Variants in CNTNAP2 observed in about 807,000 individuals in gnomAD.
CNTNAP2 encodes the protein contactin associated protein 2.
In CNTNAP2, 98 loss-of-function variants were observed where a neutral mutation model predicts 155.2. The observed-to-expected ratio is 0.63, with a 90% CI of 0.54 to 0.75. The LOEUF is 0.75. Ranked by LOEUF, CNTNAP2 falls within the 30% of genes least tolerant of loss-of-function variation. CNTNAP2 has a pLI of 0.00. For missense variants in CNTNAP2, 1,727 were observed against 1,688.1 expected (o/e 1.02, Z -0.40); for synonymous variants, 651 against 631.2 (o/e 1.03, Z -0.47).
chr7:148,067,341 G>C (rs1178924536), intron 15 of CNTNAP2, among the ~76,000 whole-genome samples: 1 of 152,190 alleles, frequency 6.6e-6, no homozygotes, highest in African/African-American at 2.4e-5. Flanking sequence ...GGCTCACTGA[G>C]AGCTGGACTG....
intron 1 of CNTNAP2, among the ~76,000 whole-genome samples, chr7:146,521,136 G>A (rs909019798): frequency 6.6e-6 from 1 of 151,862 alleles, no homozygotes; most frequent in African/African-American, 2.4e-5. Flanking sequence ...AATATGGTCT[G>A]TAACAGAGGT....
intron 4 of CNTNAP2, among the ~76,000 whole-genome samples, chr7:147,057,684 C>T (rs1799588414): frequency 6.6e-6 from 1 of 152,108 alleles, no homozygotes; most frequent in Non-Finnish European, 1.5e-5. Context: ...CAAAACTGCC[C>T]CTGGGTAAGA....
intron 20 of CNTNAP2, among the ~76,000 whole-genome samples, chr7:148,238,460 G>A (rs968668671): frequency 6.6e-6 from 1 of 152,212 alleles, no homozygotes; most frequent in Non-Finnish European, 1.5e-5. Context: ...GCTCTTTGTT[G>A]TCTTTGCAAG....
intron 2 of CNTNAP2, among the ~76,000 whole-genome samples, chr7:146,804,158 A>G (rs1802927618): frequency 6.6e-6 from 1 of 152,194 alleles, no homozygotes; most frequent in African/African-American, 2.4e-5. Context: ...AGGAAGCAAG[A>G]GGGAACAGAA....
chr7:147,505,062 C>G (rs1367524874), intron 11 of CNTNAP2, among the ~76,000 whole-genome samples: 1 of 151,988 alleles, frequency 6.6e-6, no homozygotes, highest in Non-Finnish European at 1.5e-5. Flanking sequence ...ATATACATCC[C>G]CACATAGATT....
intron 13 of CNTNAP2, among the ~76,000 whole-genome samples, chr7:147,883,781 T>C (rs1350752059): frequency 1.3e-5 from 2 of 152,110 alleles, no homozygotes; most frequent in Non-Finnish European, 2.9e-5. Flanking sequence ...TGTGTTTAGA[T>C]ATGAAAAAAG....
intron 13 of CNTNAP2, among the ~76,000 whole-genome samples, chr7:147,746,562 T>C (rs899167344): frequency 2.6e-5 from 4 of 152,070 alleles, no homozygotes; most frequent in Admixed American, 2.6e-4. Flanking sequence ...TCCCAGTTCC[T>C]CTGCTTGTAC....
intron 13 of CNTNAP2, among the ~76,000 whole-genome samples, chr7:147,852,074 G>A (rs1383219297): frequency 6.6e-6 from 1 of 152,110 alleles, no homozygotes. Flanking sequence ...TTAATTTTTA[G>A]TGCTTTGCCT....
intron 15 of CNTNAP2, among the ~76,000 whole-genome samples, chr7:148,109,641 C>T (rs1804302037): frequency 7.3e-6 from 1 of 137,776 alleles, no homozygotes; most frequent in African/African-American, 3.0e-5. Context: ...GCCTTGGCCT[C>T]CCAAAGTGCT....
intron 1 of CNTNAP2, among the ~76,000 whole-genome samples, chr7:146,451,189 G>A (rs1180021879): frequency 5.3e-5 from 8 of 152,068 alleles, no homozygotes; most frequent in South Asian, 2.1e-4. Flanking sequence ...CTCGTGATCT[G>A]CCCACCTTGG....
intron 11 of CNTNAP2, among the ~76,000 whole-genome samples, chr7:147,498,005 C>T (rs1371301403): frequency 6.6e-6 from 1 of 152,088 alleles, no homozygotes; most frequent in Non-Finnish European, 1.5e-5. Context: ...CCTGCCTTCC[C>T]ACAGCATAGC....
chr7:147,242,501 A>G (rs1255172018), intron 8 of CNTNAP2, among the ~76,000 whole-genome samples: 1 of 152,156 alleles, frequency 6.6e-6, no homozygotes, highest in Non-Finnish European at 1.5e-5. Flanking sequence ...TGGTAGTATG[A>G]CAGAAAACGA....
intron 10 of CNTNAP2, among the ~76,000 whole-genome samples, chr7:147,474,537 C>G (rs900161233): frequency 7.3e-5 from 11 of 151,720 alleles, no homozygotes; most frequent in African/African-American, 2.7e-4. Context: ...GAGCTGAGAT[C>G]GCACCATTGC....
At chr7:146,533,905 GT>G (rs1797808149) in intron 1 of CNTNAP2, among the ~76,000 whole-genome samples, 1 of 152,082 alleles carries the variant, frequency 6.6e-6, no homozygotes, top group South Asian at 2.1e-4. Context: ...AATACTAGAT[GT>G]TATTGGCAAT....
intron 1 of CNTNAP2, among the ~76,000 whole-genome samples, chr7:146,610,930 A>T (rs1250755749): frequency 6.6e-6 from 1 of 152,210 alleles, no homozygotes; most frequent in African/African-American, 2.4e-5. Context: ...AAGAAAGTAT[A>T]TGAATGCAAA....
intron 10 of CNTNAP2, among the ~76,000 whole-genome samples, chr7:147,479,934 C>A (rs12539334): frequency 0.042 from 6,383 of 151,808 alleles, 193 homozygotes; most frequent in Non-Finnish European, 0.067. Flanking sequence ...TAAATAATTT[C>A]TATTTGAATA....
intron 1 of CNTNAP2, among the ~76,000 whole-genome samples, chr7:146,695,355 T>G (rs1441475447): frequency 6.6e-6 from 1 of 152,182 alleles, no homozygotes; most frequent in African/African-American, 2.4e-5. Context: ...TGTATGATAT[T>G]TCTTCCTTAG....
intron 16 of CNTNAP2, among the ~76,000 whole-genome samples, chr7:148,146,405 C>T (rs1163420330): frequency 6.6e-6 from 1 of 152,168 alleles, no homozygotes; most frequent in East Asian, 1.9e-4. Context: ...GTTTATAAAG[C>T]ACTAGGTGGT....
At chr7:147,452,284 T>G (rs1366730582) in intron 10 of CNTNAP2, among the ~76,000 whole-genome samples, 2 of 152,228 alleles carry the variant, frequency 1.3e-5, no homozygotes, top group Admixed American at 6.5e-5. Flanking sequence ...CTTAGTATTT[T>G]CAGATTGCAT....
Sources: allele counts gnomAD v4.1 joint callset (sites outside exome capture counted in the v4.1 genomes callset), GRCh38; gene constraint gnomAD v4.1.1; transcripts MANE v1.5; gene names NCBI Gene and HGNC (gene_info 2026-07-23, HGNC 2026-07-21).